Variants in BMPR1B observed in about 807,000 individuals in gnomAD.
BMPR1B encodes bone morphogenetic protein receptor type-1B.
In BMPR1B, 12 loss-of-function variants were observed where a neutral mutation model predicts 59.1. The ratio of observed to expected loss-of-function variants is 0.20; its 90% CI spans 0.13 to 0.33. BMPR1B has a LOEUF of 0.33. Among genes scored for constraint, BMPR1B ranks in the 10% least tolerant of loss-of-function variants. The probability of loss-of-function intolerance (pLI) is 1.00; values close to 1 mark genes in which losing one functional copy is unlikely to be tolerated. For missense variants in BMPR1B, 550 were observed against 610.9 expected, an observed-to-expected ratio of 0.90 and a Z score of 1.05; for synonymous variants, 237 against 207.3, an observed-to-expected ratio of 1.14 and a Z score of -1.23.
intron 2 of BMPR1B, among the ~76,000 whole-genome samples, chr4:94,986,344 A>C (rs531125674): frequency 6.6e-6 from 1 of 152,204 alleles, no homozygotes; most frequent in Non-Finnish European, 1.5e-5. Flanking sequence ...GATGGAAAAC[A>C]AAACAAAACA....
At chr4:94,810,233 G>A (rs2110637067) in intron 1 of BMPR1B, among the ~76,000 whole-genome samples, 1 of 152,250 alleles carries the variant, frequency 6.6e-6, no homozygotes, top group East Asian at 1.9e-4. Flanking sequence ...TTTTTTGTTA[G>A]AGACGTGCTA....
At chr4:94,886,230 T>C (rs1318614052) in intron 2 of BMPR1B, among the ~76,000 whole-genome samples, 1 of 152,186 alleles carries the variant, frequency 6.6e-6, no homozygotes, top group Non-Finnish European at 1.5e-5. Context: ...AAAGCATTGC[T>C]ACAGATTAAA....
chr4:94,981,022 C>A (rs576023427), intron 2 of BMPR1B, among the ~76,000 whole-genome samples: 4 of 151,934 alleles, frequency 2.6e-5, no homozygotes, highest in East Asian at 1.9e-4. Flanking sequence ...CACACACACA[C>A]AAAAAGTAGA....
chr4:95,132,059 A>G (rs189301305), intron 10 of BMPR1B, among the ~76,000 whole-genome samples: 11 of 152,344 alleles, frequency 7.2e-5, no homozygotes, highest in African/African-American at 1.4e-4. Flanking sequence ...TGCTTGGGTT[A>G]CATCAGTAGC....
chr4:94,806,962 A>G (rs1723628494), intron 1 of BMPR1B, among the ~76,000 whole-genome samples: 2 of 152,086 alleles, frequency 1.3e-5, no homozygotes, highest in African/African-American at 4.8e-5. Flanking sequence ...GTTCATAATA[A>G]ATAATAAATA....
chr4:94,763,942 CCCTTTATTATGGAA>C (rs1721872206), intron 1 of BMPR1B, among the ~76,000 whole-genome samples: 1 of 152,072 alleles, frequency 6.6e-6, no homozygotes, highest in Non-Finnish European at 1.5e-5. Context: ...TGAAATCCTT[CCCTTTATTATGGAA>C]CGTGGTGCAG....
chr4:94,970,084 TC>T (rs758746690), intron 2 of BMPR1B, among the ~76,000 whole-genome samples: 45 of 152,290 alleles, frequency 3.0e-4, no homozygotes, highest in Non-Finnish European at 6.3e-4. Flanking sequence ...TTGTTATATA[TC>T]TTGTTTTATT....
chr4:94,873,300 T>A (rs909340955), intron 1 of BMPR1B, among the ~76,000 whole-genome samples: 3 of 152,234 alleles, frequency 2.0e-5, no homozygotes, highest in Admixed American at 1.3e-4. Context: ...TTTTTGCTTT[T>A]TTTCCTTCAT....
At chr4:94,920,151 T>G (rs1728634863) in intron 2 of BMPR1B, among the ~76,000 whole-genome samples, 1 of 152,162 alleles carries the variant, frequency 6.6e-6, no homozygotes, top group South Asian at 2.1e-4. Flanking sequence ...GGATGTTAAT[T>G]GTACTTTTTA....
chr4:95,133,403 C>T lies in BMPR1B; in HGVS notation c.1076+1891C>T, dbSNP rs999045551. The stretch of plus-strand genomic sequence containing the variant: ...TCTGACCCTGGGCTATTCTTCTGCC[C>T]TATTTCCACCACACTTCTTACCTTT... On this transcript the variant is annotated intron_variant, in intron 10 of 12. Transcript: ENST00000515059. Among the ~76,000 whole-genome samples, 13 of 152,236 alleles carry T rather than the reference C, an allele frequency of 8.5e-5. No homozygotes were observed. In the South Asian group the frequency reaches 1.0e-3, roughly 12 times the overall value.
intron 2 of BMPR1B, among the ~76,000 whole-genome samples, chr4:94,880,544 C>T (rs1333463131): frequency 2.0e-5 from 3 of 151,774 alleles, no homozygotes; most frequent in Non-Finnish European, 4.4e-5. Flanking sequence ...AGGCTGGTCT[C>T]GAACTTCTCA....
chr4:95,026,131 T>TTTCTTTCTTTCTTTCC lies in BMPR1B; in HGVS notation c.-18+30012_-18+30013insCTTCTTTCTTTCTTTC, dbSNP rs1560603025. Reference sequence around the variant, plus strand: ...CTTTCTTTCTTTCTTTCTTTCTTTCTTTCTTTCTTTCTTTCTTTCTTTCTT... The same window carrying TTTCTTTCTTTCTTTCC: ...CTTTCTTTCTTTCTTTCTTTCTTTCTTTCTTTCTTTCTTTCCTTCTTTCTTTCTTTCTTTCTTTCTT... On this transcript the variant is annotated intron_variant, in intron 3 of 12. Coordinates refer to ENST00000515059, the MANE Select transcript of BMPR1B (RefSeq NM_001203.3). Among the ~76,000 whole-genome samples the TTTCTTTCTTTCTTTCC allele has an allele frequency of 4.0e-5, 6 of 148,236 alleles. No individual in the cohort carries two copies. In the East Asian group the frequency reaches 1.2e-3, roughly 29 times the overall value.
chr4:94,846,628 C>A (rs1283227110), intron 1 of BMPR1B, among the ~76,000 whole-genome samples: 1 of 152,178 alleles, frequency 6.6e-6, no homozygotes, highest in African/African-American at 2.4e-5. Context: ...CCTTGCTCCT[C>A]AGCCTGCAGA....
chr4:95,107,728 T>C (rs982940406), intron 4 of BMPR1B, among the ~76,000 whole-genome samples: 10 of 152,072 alleles, frequency 6.6e-5, no homozygotes. Flanking sequence ...GATAGAAAAA[T>C]TGTGGCCGGG....
chr4:95,101,938 C>T (rs899898302), intron 3 of BMPR1B, among the ~76,000 whole-genome samples: 1 of 152,048 alleles, frequency 6.6e-6, no homozygotes, highest in African/African-American at 2.4e-5. Flanking sequence ...TTCTTAGCCC[C>T]TTTTTCTCTT....
chr4:94,962,995 C>CT (rs2149068247), intron 2 of BMPR1B, among the ~76,000 whole-genome samples: 1 of 152,176 alleles, frequency 6.6e-6, no homozygotes, highest in Non-Finnish European at 1.5e-5. Flanking sequence ...TATTACCTGT[C>CT]TGTTTTATAT....
intron 10 of BMPR1B, among the ~76,000 whole-genome samples, chr4:95,145,130 T>C (rs1414036243): frequency 6.6e-6 from 1 of 152,250 alleles, no homozygotes; most frequent in Non-Finnish European, 1.5e-5. Context: ...GTTTTTCTTT[T>C]TAAAAGAAAT....
chr4:94,769,236 C>A (rs114604426), intron 1 of BMPR1B, among the ~76,000 whole-genome samples: 1 of 152,258 alleles, frequency 6.6e-6, no homozygotes, highest in African/African-American at 2.4e-5. Context: ...AATATTTATG[C>A]AACATGAATG....
intron 1 of BMPR1B, among the ~76,000 whole-genome samples, chr4:94,761,784 T>G (rs1196358053): frequency 6.6e-6 from 1 of 152,150 alleles, no homozygotes; most frequent in African/African-American, 2.4e-5. Context: ...TGATTTTGCC[T>G]TAGAGATACT....
Sources: allele counts gnomAD v4.1 joint callset (sites outside exome capture counted in the v4.1 genomes callset), GRCh38; gene constraint gnomAD v4.1.1; transcripts MANE v1.5; gene names NCBI Gene and HGNC (gene_info 2026-07-23, HGNC 2026-07-21).